Variants in PLCXD2 observed in about 807,000 individuals in gnomAD.
PLCXD2 encodes the protein PI-PLC X domain-containing protein 2.
Under a neutral mutation model 28.6 loss-of-function variants are expected in PLCXD2, and 21 were observed. The observed-to-expected ratio is 0.73, with a 90% confidence interval of 0.52 to 1.06. The LOEUF (loss-of-function observed/expected upper bound fraction) is 1.06. Ranked by LOEUF, PLCXD2 falls within the 50% of genes least tolerant of loss-of-function variation. PLCXD2 has a pLI of 0.00. For missense variants in PLCXD2, 369 were observed against 376.7 expected (o/e 0.98, Z 0.17); for synonymous variants, 140 against 150.1 (o/e 0.93, Z 0.49).
chr3:111,702,188 A>G (rs1941053410), intron 1 of PLCXD2, among the ~76,000 whole-genome samples: 1 of 152,170 alleles, frequency 6.6e-6, no homozygotes, highest in Non-Finnish European at 1.5e-5. Context: ...AAAAAAGCAG[A>G]CAGAAGGTAA....
chr3:111,718,406 A>G (rs1398415726), intron 3 of PLCXD2, among the ~76,000 whole-genome samples: 1 of 152,126 alleles, frequency 6.6e-6, no homozygotes, highest in Non-Finnish European at 1.5e-5. Context: ...CGGAGCTTGC[A>G]GTGAGCCAAG....
intron 2 of PLCXD2, among the ~76,000 whole-genome samples, chr3:111,710,229 C>T (rs1941182088): frequency 2.0e-5 from 3 of 152,294 alleles, no homozygotes; most frequent in South Asian, 2.1e-4. Flanking sequence ...TTCACTAAGA[C>T]TTTTGTAAGT....
At chr3:111,720,923 C>A in intron 3 of PLCXD2, 1 of 415,990 alleles carries the variant, frequency 2.4e-6, no homozygotes, top group South Asian at 1.3e-4. Context: ...TTTGTTGATC[C>A]AGGGTAGAGT....
intron 1 of PLCXD2, among the ~76,000 whole-genome samples, chr3:111,679,898 C>T (rs904318868): frequency 3.3e-5 from 5 of 152,174 alleles, no homozygotes; most frequent in African/African-American, 9.7e-5. Flanking sequence ...TGCTGCCTGG[C>T]TGCTGCCTCT....
chr3:111,700,841 G>A (rs192573846), intron 1 of PLCXD2, among the ~76,000 whole-genome samples: 4 of 152,154 alleles, frequency 2.6e-5, no homozygotes, highest in Admixed American at 6.5e-5. Flanking sequence ...TGTGTAGGGC[G>A]GGGCGGGGGG....
chr3:111,685,237 T>G (rs1940777134), intron 1 of PLCXD2, among the ~76,000 whole-genome samples: 1 of 152,232 alleles, frequency 6.6e-6, no homozygotes, highest in Non-Finnish European at 1.5e-5. Context: ...TATCCTCATT[T>G]TTAGATTATA....
chr3:111,675,575 A>ATT (rs1559789179), intron 1 of PLCXD2, among the ~76,000 whole-genome samples, 167 bp downstream of exon 1: 2 of 152,244 alleles, frequency 1.3e-5, no homozygotes, highest in Non-Finnish European at 2.9e-5. Context: ...AAGAGATTGC[A>ATT]GTACACTGCA....
chr3:111,678,282 C>A (rs1433228373), intron 1 of PLCXD2, among the ~76,000 whole-genome samples: 1 of 152,164 alleles, frequency 6.6e-6, no homozygotes, highest in Admixed American at 6.5e-5. Context: ...ATTAAAATAT[C>A]TTGGAGAAGA....
chr3:111,722,182 G>GATTGACTTATCT (rs148008020), intron 3 of PLCXD2: 1 of 122,034 alleles, frequency 8.2e-6, no homozygotes, highest in African/African-American at 3.7e-5. Context: ...CTTGTGTTTT[G>GATTGACTTATCT]ATTTATTTAT....
intron 1 of PLCXD2, 132 bp downstream of exon 1, chr3:111,675,540 A>C: frequency 9.8e-7 from 1 of 1,021,784 alleles, no homozygotes; most frequent in South Asian, 1.3e-5. Context: ...CAAACCAAAA[A>C]CTTAACACTG....
At chr3:111,705,010 T>G (rs1941097409) in intron 1 of PLCXD2, among the ~76,000 whole-genome samples, 2 of 151,728 alleles carry the variant, frequency 1.3e-5, no homozygotes, top group African/African-American at 4.9e-5. Context: ...AGAGACAGGG[T>G]TTCATCATAT....
intron 1 of PLCXD2, among the ~76,000 whole-genome samples, chr3:111,691,878 T>C (rs1940883236): frequency 6.6e-6 from 1 of 152,198 alleles, no homozygotes; most frequent in South Asian, 2.1e-4. Context: ...AATGAGATCA[T>C]GTAAGTAAAA....
chr3:111,691,772 G>GCAACCCTGAACTAGTTGCAAAA (rs1940881789), intron 1 of PLCXD2, among the ~76,000 whole-genome samples: 1 of 152,136 alleles, frequency 6.6e-6, no homozygotes, highest in Non-Finnish European at 1.5e-5. Context: ...TGCAATCTTT[G>GCAACCCTGAACTAGTTGCAAAA]CAACCCTGAA....
At chr3:111,696,354 G>A (rs1940962149) in intron 1 of PLCXD2, among the ~76,000 whole-genome samples, 1 of 152,148 alleles carries the variant, frequency 6.6e-6, no homozygotes, top group Admixed American at 6.5e-5. Context: ...GGTCTTTTGT[G>A]TTTGGGCACC....
chr3:111,691,258 A>G (rs1172109326), intron 1 of PLCXD2: 1 of 152,262 alleles, frequency 6.6e-6, no homozygotes, highest in Non-Finnish European at 1.5e-5. Flanking sequence ...CTTCATAAAT[A>G]TGGTCACAAA....
chr3:111,713,322 A>G (rs993050424), intron 2 of PLCXD2, among the ~76,000 whole-genome samples: 4 of 152,222 alleles, frequency 2.6e-5, no homozygotes, highest in Non-Finnish European at 5.9e-5. Context: ...TAGTATACCC[A>G]TAGATTATGA....
intron 1 of PLCXD2, among the ~76,000 whole-genome samples, chr3:111,700,839 G>A (rs927378789): frequency 2.6e-5 from 4 of 152,024 alleles, no homozygotes; most frequent in African/African-American, 9.7e-5. Context: ...ACTGTGTAGG[G>A]CGGGGCGGGG....
chr3:111,721,423 A>G (rs371638221), intron 3 of PLCXD2: 1 of 152,214 alleles, frequency 6.6e-6, no homozygotes, highest in African/African-American at 2.4e-5. Context: ...TTTCTGAGAG[A>G]GTAGGACTCA....
chr3:111,717,403 G>C (rs892278271), intron 3 of PLCXD2, among the ~76,000 whole-genome samples: 5 of 152,172 alleles, frequency 3.3e-5, no homozygotes, highest in Non-Finnish European at 1.5e-5. Context: ...TGTCAGCACT[G>C]TCAGGTTCAG....
Sources: gnomAD v4.1 joint callset for allele counts (sites outside exome capture counted in the v4.1 genomes callset) on GRCh38, gnomAD v4.1.1 for gene constraint, MANE v1.5 for transcripts, NCBI Gene and HGNC (gene_info 2026-07-23, HGNC 2026-07-21) for gene names.